Variants in FLT3LG observed in about 807,000 individuals in gnomAD.
FLT3LG encodes the protein fms-related tyrosine kinase 3 ligand.
In FLT3LG, 8 loss-of-function variants were observed where a neutral mutation model predicts 30.9. The observed-to-expected ratio is 0.26, with a 90% CI of 0.15 to 0.47. The LOEUF (loss-of-function observed/expected upper bound fraction) is 0.47, where lower values mean the gene tolerates loss of function less well. Among genes scored for constraint, FLT3LG ranks in the 20% least tolerant of loss-of-function variants. The probability of loss-of-function intolerance (pLI) is 0.99; values close to 1 mark genes in which losing one functional copy is unlikely to be tolerated. For missense variants in FLT3LG, 278 were observed against 306.2 expected (o/e 0.91, Z 0.69); for synonymous variants, 123 against 135.9 (o/e 0.91, Z 0.66).
rs1241034813 is a variant in FLT3LG, at chr19:49,478,980, G to A, written c.414G>A (p.Leu138=). 6.2e-7 allele frequency: 1 copy of A among 1,600,928 alleles called. No individual in the cohort carries two copies. The highest frequency in any genetic ancestry group is 1.1e-5 in the South Asian group (1 of 88,564). ...TCCTGCAGGAGACCTCCGAGCAGCTGGTGGCGCTGAAGCCCTGGATCACTC... is the reference window on the plus strand; with the variant it reads ...TCCTGCAGGAGACCTCCGAGCAGCTAGTGGCGCTGAAGCCCTGGATCACTC... ...SRLLQETSEQ[L]VALKPWITRQ... is the part of the protein sequence containing the mutation. Residue 138 remains leucine (L), a synonymous_variant, in exon 6 of 9, where the codon CTG becomes CTA. Transcript: ENST00000597551.
intron 8 of FLT3LG, among the ~76,000 whole-genome samples, chr19:49,482,820 G>A (rs1054239098): frequency 6.6e-5 from 10 of 151,802 alleles, no homozygotes; most frequent in African/African-American, 1.9e-4. Context: ...GTAGAGACAA[G>A]GTTTCACCAT....
intron 6 of FLT3LG, among the ~76,000 whole-genome samples, chr19:49,479,353 C>T (rs2079516219): frequency 6.6e-6 from 1 of 151,694 alleles, no homozygotes; most frequent in South Asian, 2.1e-4. Flanking sequence ...CGCCACCACA[C>T]CCGGCTAATT....
chr19:49,481,606 C>A (rs2079613992), intron 8 of FLT3LG: 1 of 152,324 alleles, frequency 6.6e-6, no homozygotes. Flanking sequence ...CCAGCGGGTC[C>A]CCTAACATTT....
chr19:49,478,302 C>T (rs1229362472), intron 5 of FLT3LG, among the ~76,000 whole-genome samples: 1 of 151,632 alleles, frequency 6.6e-6, no homozygotes, highest in East Asian at 1.9e-4. Flanking sequence ...CCCATCTCTA[C>T]TAAAAATACA....
Position 49,475,714 on chromosome 19 carries a change from G to T in FLT3LG, c.57G>T (p.Leu19=). The change falls in exon 3 of 9, where the codon CTG becomes CTT. Residue 19 remains leucine (L), a synonymous_variant. Transcript: ENST00000597551. Reference sequence around the variant, plus strand: ...AGACCTATCTCCTCCTGCTGCTGCTGCTGAGCTCGGGACTCAGTGGGACCC... The same window carrying T: ...AGACCTATCTCCTCCTGCTGCTGCTTCTGAGCTCGGGACTCAGTGGGACCC... ...SPTTYLLLLL[L]LSSGLSGTQD... is the part of the protein sequence containing the mutation. The T allele has an allele frequency of 6.2e-7, 1 of 1,609,422 alleles. No individual in the cohort carries two copies. Among genetic ancestry groups the T allele is most frequent in the Non-Finnish European group, 8.5e-7 (1 of 1,179,806 alleles).
chr19:49,475,679 G>C lies in FLT3LG; in HGVS notation c.34-12G>C, dbSNP rs7251338. On this transcript the variant is annotated splice_polypyrimidine_tract_variant and intron_variant, in intron 2 of 8. Coordinates refer to ENST00000597551, the MANE Select transcript of FLT3LG (RefSeq NM_001459.4). ...ACAGCAGAGGGCTCCCCCAGCACCC[G>C]CTCCCCTGCAGACCTATCTCCTCCT... The C allele has an allele frequency of 0.12, 193,156 of 1,601,028 alleles. 21,805 individuals are homozygous for C. The highest frequency in any genetic ancestry group is 0.61 in the African/African-American group (45,410 of 74,774).
chr19:49,484,604 C>G (rs2079737406), intron 8 of FLT3LG, among the ~76,000 whole-genome samples: 1 of 151,942 alleles, frequency 6.6e-6, no homozygotes, highest in Non-Finnish European at 1.5e-5. Flanking sequence ...TCAAGCGATT[C>G]TACTGCCTCA....
At chr19:49,479,158 G>A (rs1601098185) in intron 6 of FLT3LG, 111 bp downstream of exon 6, 1 of 1,015,980 alleles carries the variant, frequency 9.8e-7, no homozygotes, top group Non-Finnish European at 1.3e-6. Context: ...TGTGACAAGG[G>A]CAAGCTTATT....
chr19:49,481,030 TCAA>T, intron 8 of FLT3LG: 2 of 90,748 alleles, frequency 2.2e-5, no homozygotes, highest in Non-Finnish European at 1.9e-5. Flanking sequence ...AGACTCCGTC[TCAA>T]AAAAAAAAAA....
chr19:49,480,014 G>C (rs1375023476), intron 6 of FLT3LG, among the ~76,000 whole-genome samples: 1 of 151,150 alleles, frequency 6.6e-6, no homozygotes, highest in Non-Finnish European at 1.5e-5. Context: ...ATGTTGGCCA[G>C]GCTGGTCTTG....
chr19:49,479,169 C>A, intron 6 of FLT3LG, 122 bp downstream of exon 6: 1 of 908,582 alleles, frequency 1.1e-6, no homozygotes, highest in Non-Finnish European at 1.5e-6. Context: ...CAAGCTTATT[C>A]CTCTTTCTGG....
chr19:49,483,727 C>CA (rs1555804994), intron 8 of FLT3LG, among the ~76,000 whole-genome samples: 2 of 151,196 alleles, frequency 1.3e-5, no homozygotes, highest in East Asian at 2.0e-4. Context: ...GTCTCAAAAA[C>CA]AAAAAAACCA....
intron 1 of FLT3LG, 128 bp downstream of exon 1, chr19:49,474,409 C>G (rs1476892850): frequency 1.3e-5 from 8 of 599,602 alleles, no homozygotes; most frequent in Non-Finnish European, 2.4e-5. Flanking sequence ...TTCTGGGGAC[C>G]AGACGTCGAG....
At chr19:49,479,116 T>G in intron 6 of FLT3LG, 69 bp downstream of exon 6, 1 of 1,390,940 alleles carries the variant, frequency 7.2e-7, no homozygotes, top group South Asian at 1.4e-5. Flanking sequence ...CTCTGCACAG[T>G]GCATCCCAGA....
chr19:49,480,323 G>C lies in FLT3LG; in HGVS notation c.507G>C (p.Trp169Cys). Residue 169 changes from tryptophan (W) to cysteine (C), a missense_variant, in exon 7 of 9, where the codon TGG becomes TGC. Around this residue, in one of 3 missense-constraint regions of FLT3LG, gnomAD observed 170 missense variants for 162.0 expected, o/e 1.05. Coordinates refer to ENST00000597551, the MANE Select transcript of FLT3LG (RefSeq NM_001459.4). ...QPDSSTLPPP[W>C]SPRPLEATAP... ...ACTCCTCAACCCTGCCACCCCCATG[G>C]AGTCCCCGGCCCCTGGAGGCCACAG... 1 of 1,606,846 alleles carries C rather than the reference G, an allele frequency of 6.2e-7. No individual in the cohort carries two copies. Among genetic ancestry groups the C allele is most frequent in the Non-Finnish European group, 8.5e-7 (1 of 1,176,008 alleles).
intron 6 of FLT3LG, among the ~76,000 whole-genome samples, chr19:49,480,039 A>G (rs1199383215): frequency 7.1e-6 from 1 of 140,196 alleles, no homozygotes; most frequent in African/African-American, 2.7e-5. Flanking sequence ...CCTGACCTCA[A>G]GTGATCCACC....
At chr19:49,484,288 A>ATTTTT (rs745909519) in intron 8 of FLT3LG, among the ~76,000 whole-genome samples, 40 of 98,324 alleles carry the variant, frequency 4.1e-4, no homozygotes, top group African/African-American at 1.1e-3. Flanking sequence ...TTTTATTATA[A>ATTTTT]TTTTTTTTTT....
chr19:49,475,529 G>A, intron 2 of FLT3LG, 162 bp from the exon 3 acceptor site: 1 of 932,878 alleles, frequency 1.1e-6, no homozygotes, highest in Non-Finnish European at 1.6e-6. Context: ...AACCGGGAAA[G>A]ACAGGCAGAG....
At chr19:49,483,198 T>C (rs1435895050) in intron 8 of FLT3LG, among the ~76,000 whole-genome samples, 1 of 152,018 alleles carries the variant, frequency 6.6e-6, no homozygotes, top group Non-Finnish European at 1.5e-5. Context: ...CGATCTCAGC[T>C]CACTGCAACC....
Sources: gnomAD v4.1 joint callset for allele counts (sites outside exome capture counted in the v4.1 genomes callset) on GRCh38, gnomAD v4.1.1 for gene constraint, gnomAD v4.1.1 regional missense constraint, MANE v1.5 for transcripts, NCBI Gene and HGNC (gene_info 2026-07-23, HGNC 2026-07-21) for gene names.